SMAP1: variants seen among roughly 807,000 people sequenced by gnomAD.
SMAP1 encodes stromal membrane-associated protein 1.
SMAP1 carries 24 observed loss-of-function variants against 58.5 expected under a neutral mutation model. The observed-to-expected ratio is 0.41, with a 90% confidence interval of 0.30 to 0.58. The LOEUF (loss-of-function observed/expected upper bound fraction) is 0.58. Ranked by LOEUF, SMAP1 falls within the 20% of genes least tolerant of loss-of-function variation. The probability of loss-of-function intolerance (pLI) is 0.29; values close to 1 mark genes in which losing one functional copy is unlikely to be tolerated. For synonymous variants in SMAP1, 216 were observed against 196.6 expected (o/e 1.10, Z -0.82); for missense variants, 563 against 566.3 (o/e 0.99, Z 0.06).
In SMAP1 at chr6:70,728,343, AC is replaced by A. The variant is rs1765273051; in HGVS notation, c.119-4034del. ...TGAGAAATGTAGTCTTCCTATCAGG[AC>A]AGCCACATTTCTAGGTAAAATTCAG... On this transcript the variant is annotated intron_variant, in intron 1 of 10. Transcript: ENST00000370455. Among the ~76,000 whole-genome samples, 5 of 152,346 alleles carry A rather than the reference AC, an allele frequency of 3.3e-5. No homozygotes were observed. In the South Asian group the frequency reaches 1.0e-3, roughly 32 times the overall value.
chr6:70,839,804 A>T (rs1582290213), intron 7 of SMAP1, among the ~76,000 whole-genome samples: 1 of 152,180 alleles, frequency 6.6e-6, no homozygotes, highest in African/African-American at 2.4e-5. Context: ...CTAAACTCTT[A>T]AAAAATATTT....
intron 6 of SMAP1, among the ~76,000 whole-genome samples, chr6:70,813,105 T>C (rs1489595428): frequency 3.3e-5 from 5 of 152,192 alleles, no homozygotes; most frequent in African/African-American, 1.2e-4. Flanking sequence ...GGAATGTAGA[T>C]GGTATGGTTT....
intron 1 of SMAP1, among the ~76,000 whole-genome samples, chr6:70,682,170 A>ATTTTTTTTTTTTTT (rs66981900): frequency 1.0e-5 from 1 of 95,914 alleles, no homozygotes; most frequent in Non-Finnish European, 2.0e-5. Context: ...CTCTGCACAG[A>ATTTTTTTTTTTTTT]TTTTTTTTTT....
rs550574815 is a variant in SMAP1 at position 70,729,168 on chromosome 6, G to A, written c.119-3210G>A. Reference sequence around the variant, plus strand: ...TAAAAGAAGGTGTGAGGCTGGGCGTGATGGCTCATGCCTGTAATCCCAGCA... The same window carrying A: ...TAAAAGAAGGTGTGAGGCTGGGCGTAATGGCTCATGCCTGTAATCCCAGCA... On this transcript the variant is annotated intron_variant, in intron 1 of 10. Transcript: ENST00000370455. Among the ~76,000 whole-genome samples, 3 of 152,210 alleles carry A rather than the reference G, an allele frequency of 2.0e-5. No homozygotes were observed. In the South Asian group the frequency reaches 6.2e-4, roughly 32 times the overall value.
chr6:70,706,759 C>T (rs1383476571), intron 1 of SMAP1, among the ~76,000 whole-genome samples: 2 of 152,134 alleles, frequency 1.3e-5, no homozygotes, highest in Non-Finnish European at 2.9e-5. Context: ...ACACCATTTT[C>T]TGAATTATTT....
intron 6 of SMAP1, among the ~76,000 whole-genome samples, chr6:70,818,055 C>T (rs1187899217): frequency 6.6e-6 from 1 of 152,094 alleles, no homozygotes; most frequent in Non-Finnish European, 1.5e-5. Context: ...CCATTATTTT[C>T]ACTTTCTCCT....
intron 4 of SMAP1, 39 bp from the exon 5 acceptor site, chr6:70,791,650 T>C (rs1457642303): frequency 6.5e-6 from 10 of 1,545,122 alleles, no homozygotes; most frequent in Non-Finnish European, 8.8e-6. Flanking sequence ...TACCTTCTTT[T>C]TGTTTTTTTC....
chr6:70,857,778 T>C (rs1771494807), intron 9 of SMAP1, 144 bp from the exon 10 acceptor site: 1 of 740,148 alleles, frequency 1.4e-6, no homozygotes, highest in Non-Finnish European at 2.2e-6. Context: ...TAGGTGTGGG[T>C]TGGTCTGAGT....
At chr6:70,746,863 C>T (rs1274146286) in intron 2 of SMAP1, among the ~76,000 whole-genome samples, 1 of 151,982 alleles carries the variant, frequency 6.6e-6, no homozygotes, top group South Asian at 2.1e-4. Context: ...TGATTTAAGT[C>T]TAAATTCTAA....
intron 4 of SMAP1, among the ~76,000 whole-genome samples, chr6:70,784,669 C>G (rs983194881): frequency 2.0e-4 from 31 of 152,168 alleles, no homozygotes; most frequent in Non-Finnish European, 5.9e-5. Flanking sequence ...TCTGATAAAA[C>G]AGACTTCAAA....
At chr6:70,694,474 T>C (rs1338338769) in intron 1 of SMAP1, 2 of 153,652 alleles carry the variant, frequency 1.3e-5, no homozygotes, top group East Asian at 1.9e-4. Flanking sequence ...CAGTATTACC[T>C]CAGAGACTGG....
chr6:70,765,995 G>A (rs965867934), intron 3 of SMAP1, among the ~76,000 whole-genome samples: 1 of 149,084 alleles, frequency 6.7e-6, no homozygotes, highest in African/African-American at 2.5e-5. Flanking sequence ...AATATGCAGT[G>A]TTTGGTTTTT....
At chr6:70,750,317 CTTTT>C (rs963368317) in intron 2 of SMAP1, among the ~76,000 whole-genome samples, 1 of 152,136 alleles carries the variant, frequency 6.6e-6, no homozygotes, top group Non-Finnish European at 1.5e-5. Context: ...TACCTACTTT[CTTTT>C]TATCTATTCC....
intron 2 of SMAP1, among the ~76,000 whole-genome samples, chr6:70,750,121 C>T (rs1365809593): frequency 6.6e-6 from 1 of 152,152 alleles, no homozygotes; most frequent in Non-Finnish European, 1.5e-5. Context: ...TCTGTTCCTA[C>T]TCTTTATCTT....
At chr6:70,770,790 G>A (rs1480307725) in intron 3 of SMAP1, among the ~76,000 whole-genome samples, 1 of 152,174 alleles carries the variant, frequency 6.6e-6, no homozygotes, top group African/African-American at 2.4e-5. Flanking sequence ...CGTTGCTGAT[G>A]AGGAGCTGCG....
intron 4 of SMAP1, among the ~76,000 whole-genome samples, chr6:70,777,299 A>C (rs1767585740): frequency 6.6e-6 from 1 of 152,120 alleles, no homozygotes; most frequent in Non-Finnish European, 1.5e-5. Context: ...TGCATCGTTC[A>C]CGCTGGGAGC....
rs752380951 is a variant in SMAP1, at chr6:70,861,868, C to CTGTT, written c.*1535_*1538dup. 9 of 1,614,012 alleles carry CTGTT rather than the reference C, an allele frequency of 5.6e-6. No individual in the cohort carries two copies. The highest frequency in any genetic ancestry group is 1.1e-5 in the South Asian group (1 of 91,076). Reference sequence around the variant, plus strand: ...TTTGCTTTCGGTTCCAGTTCTTCGACTGTTGTTATCTGTTTGAGAAAGTCA... The same window carrying CTGTT: ...TTTGCTTTCGGTTCCAGTTCTTCGACTGTTTGTTGTTATCTGTTTGAGAAAGTCA... On this transcript the variant is annotated 3_prime_UTR_variant, in exon 11 of 11. Transcript: ENST00000370455.
At chr6:70,789,072 G>C (rs1223417766) in intron 4 of SMAP1, among the ~76,000 whole-genome samples, 1 of 151,846 alleles carries the variant, frequency 6.6e-6, no homozygotes, top group Non-Finnish European at 1.5e-5. Context: ...ATTTACCCCT[G>C]TGTTCTGTAC....
chr6:70,719,188 T>C (rs965794193), intron 1 of SMAP1, among the ~76,000 whole-genome samples: 2 of 152,176 alleles, frequency 1.3e-5, no homozygotes, highest in Non-Finnish European at 2.9e-5. Flanking sequence ...GTGCTTTCAT[T>C]ATATGTACTT....
Sources: gnomAD v4.1 joint callset for allele counts (sites outside exome capture counted in the v4.1 genomes callset) on GRCh38, gnomAD v4.1.1 for gene constraint, MANE v1.5 for transcripts, NCBI Gene and HGNC (gene_info 2026-07-23, HGNC 2026-07-21) for gene names.